The following SAMD4A variants were observed in gnomAD, a reference collection of about 807,000 sequenced individuals.
SAMD4A encodes sterile alpha motif domain containing 4A, also known as protein Smaug homolog 1.
Under a neutral mutation model 81.3 loss-of-function variants are expected in SAMD4A, and 33 were observed. That is an observed-to-expected ratio of 0.41 (90% CI 0.31 to 0.54). The LOEUF (loss-of-function observed/expected upper bound fraction) is 0.54, where lower values mean the gene tolerates loss of function less well. Ranked by LOEUF, SAMD4A falls within the 20% of genes least tolerant of loss-of-function variation. SAMD4A has a pLI of 0.37. For missense variants in SAMD4A, 854 were observed against 951.1 expected, an observed-to-expected ratio of 0.90 and a Z score of 1.34; for synonymous variants, 389 against 382.1, an observed-to-expected ratio of 1.02 and a Z score of -0.21.
chr14:54,612,551 T>C (rs1208475874), intron 2 of SAMD4A, among the ~76,000 whole-genome samples: 1 of 152,218 alleles, frequency 6.6e-6, no homozygotes, highest in Admixed American at 6.5e-5. Context: ...TTAATTACTG[T>C]AGAAGCCTGT....
intron 2 of SAMD4A, among the ~76,000 whole-genome samples, chr14:54,616,122 T>C (rs2034485195): frequency 1.3e-5 from 2 of 152,210 alleles, no homozygotes; most frequent in Admixed American, 6.5e-5. Flanking sequence ...TCTATTTAAG[T>C]TTCATCTCAA....
At chr14:54,690,057 G>T (rs1197611382) in intron 2 of SAMD4A, 2 of 152,208 alleles carry the variant, frequency 1.3e-5, no homozygotes, top group Non-Finnish European at 2.9e-5. Context: ...TTTTGGACCA[G>T]GTTGGTCTAG....
intron 8 of SAMD4A, among the ~76,000 whole-genome samples, chr14:54,765,302 C>G (rs1266014631): frequency 6.6e-6 from 1 of 152,042 alleles, no homozygotes; most frequent in African/African-American, 2.4e-5. Context: ...ATGGTGAAGT[C>G]TTTTTGTAGG....
chr14:54,764,606 CTGTGA>C, intron 8 of SAMD4A, 66 bp downstream of exon 8: 1 of 1,053,766 alleles, frequency 9.5e-7, no homozygotes, highest in Non-Finnish European at 1.4e-6. Flanking sequence ...CTCAGAGTTT[CTGTGA>C]TGTGATCATT....
intron 11 of SAMD4A, among the ~76,000 whole-genome samples, chr14:54,777,157 A>G (rs1310736068): frequency 6.6e-6 from 1 of 152,098 alleles, no homozygotes; most frequent in African/African-American, 2.4e-5. Context: ...ATGAGTAATA[A>G]CAAGCCACAC....
rs144146838 is a variant in SAMD4A at position 54,760,267 on chromosome 14, G to A, written c.1283G>A (p.Arg428His). The A allele has an allele frequency of 1.6e-5, 26 of 1,612,284 alleles. No individual in the cohort carries two copies. The highest frequency in any genetic ancestry group is 3.3e-5 in the Admixed American group (2 of 59,972). Reference sequence around the variant, plus strand: ...TCCCCGAGCACCACCCCCGAGGCTCGCCGCCGGGAGCCCCAGGCCCCGCGT... The same window carrying A: ...TCCCCGAGCACCACCCCCGAGGCTCACCGCCGGGAGCCCCAGGCCCCGCGT... ...YSSPSTTPEA[R>H]RREPQAPRQP... The change falls in exon 7 of 13, where the codon CGC (arginine) becomes CAC (histidine). Residue 428 changes from arginine (R) to histidine (H), a missense_variant. By Grantham distance (29) the Arg-to-His change is conservative. Transcript: ENST00000554335.
At chr14:54,720,230 A>G (rs61976999) in intron 3 of SAMD4A, among the ~76,000 whole-genome samples, 45,377 of 151,952 alleles carry the variant, frequency 0.3, 6,989 homozygotes, top group Middle Eastern at 0.37. Flanking sequence ...CTTGTTTCAT[A>G]GCTGCCAAAT....
chr14:54,745,162 A>G (rs1014028147), intron 4 of SAMD4A, among the ~76,000 whole-genome samples: 4 of 152,150 alleles, frequency 2.6e-5, no homozygotes, highest in Non-Finnish European at 5.9e-5. Context: ...CTTTACATTG[A>G]TAGCCATTGC....
At chr14:54,648,827 C>T (rs1390017930) in intron 2 of SAMD4A, among the ~76,000 whole-genome samples, 1 of 152,064 alleles carries the variant, frequency 6.6e-6, no homozygotes, top group Non-Finnish European at 1.5e-5. Flanking sequence ...ACTCTGAATG[C>T]GGCACAGAGA....
chr14:54,769,871 G>T (rs1466473055), intron 8 of SAMD4A, among the ~76,000 whole-genome samples: 1 of 152,146 alleles, frequency 6.6e-6, no homozygotes, highest in East Asian at 1.9e-4. Flanking sequence ...CCAAAAATGA[G>T]GGTTGTCAAC....
At chr14:54,714,114 C>T (rs556729217) in intron 3 of SAMD4A, among the ~76,000 whole-genome samples, 3 of 152,252 alleles carry the variant, frequency 2.0e-5, no homozygotes, top group East Asian at 1.9e-4. Context: ...TTCAGCCTTT[C>T]GTATAGCATG....
intron 2 of SAMD4A, among the ~76,000 whole-genome samples, chr14:54,642,814 C>A (rs1278169764): frequency 2.0e-5 from 3 of 152,174 alleles, no homozygotes; most frequent in Admixed American, 6.5e-5. Flanking sequence ...GCAGACCCTG[C>A]ATGCGTGAAC....
chr14:54,643,848 T>C (rs188705065), intron 2 of SAMD4A, among the ~76,000 whole-genome samples: 1 of 152,284 alleles, frequency 6.6e-6, no homozygotes, highest in African/African-American at 2.4e-5. Flanking sequence ...ACAGGTTTTT[T>C]TTGTGTGCTT....
At chr14:54,621,624 A>G (rs2034619671) in intron 2 of SAMD4A, among the ~76,000 whole-genome samples, 2 of 100,614 alleles carry the variant, frequency 2.0e-5, no homozygotes, top group Non-Finnish European at 4.2e-5. Context: ...AGCTTCCCAC[A>G]GTGCTGGGAT....
intron 2 of SAMD4A, among the ~76,000 whole-genome samples, chr14:54,638,659 GAAC>G (rs554267658): frequency 3.9e-4 from 60 of 152,222 alleles, no homozygotes; most frequent in African/African-American, 1.2e-3. Context: ...GCTATTTTTT[GAAC>G]AACAAGAGAC....
Position 54,764,438 on chromosome 14 carries a change from T to C in SAMD4A, c.1511-17T>C. The C allele has an allele frequency of 6.4e-7, 1 of 1,562,740 alleles. No individual in the cohort carries two copies. Among genetic ancestry groups the C allele is most frequent in the Non-Finnish European group, 8.7e-7 (1 of 1,146,396 alleles). On this transcript the variant is annotated splice_polypyrimidine_tract_variant and intron_variant, in intron 7 of 12. Coordinates refer to ENST00000554335, the MANE Select transcript of SAMD4A (RefSeq NM_015589.6). ...AGGGGTGCATTTTTCTAATTCATCT[T>C]TTCTTTTTAATTACAGTGTGCACAC...
chr14:54,645,263 T>C (rs1459558268), intron 2 of SAMD4A, among the ~76,000 whole-genome samples: 1 of 152,158 alleles, frequency 6.6e-6, no homozygotes, highest in Admixed American at 6.5e-5. Flanking sequence ...GCCGAGGAGT[T>C]TGAAACCAGC....
intron 7 of SAMD4A, among the ~76,000 whole-genome samples, chr14:54,763,445 A>G (rs1356720695): frequency 6.6e-6 from 1 of 152,216 alleles, no homozygotes; most frequent in African/African-American, 2.4e-5. Flanking sequence ...ATGGCATACT[A>G]TTCCACTGTA....
At chr14:54,761,854 C>G (rs2038407365) in intron 7 of SAMD4A, among the ~76,000 whole-genome samples, 2 of 152,234 alleles carry the variant, frequency 1.3e-5, no homozygotes, top group South Asian at 4.1e-4. Context: ...CCACGTCCCC[C>G]TTTACTTTCC....
Sources: allele counts gnomAD v4.1 joint callset (sites outside exome capture counted in the v4.1 genomes callset), GRCh38; gene constraint gnomAD v4.1.1; transcripts MANE v1.5; gene names NCBI Gene and HGNC (gene_info 2026-07-23, HGNC 2026-07-21).